BICC1: variants seen among roughly 807,000 people sequenced by gnomAD.
The protein encoded by BICC1 is BicC family RNA binding protein 1, also known as protein bicaudal C homolog 1.
Under a neutral mutation model 111.0 loss-of-function variants are expected in BICC1, and 43 were observed. The observed-to-expected ratio is 0.39, with a 90% CI of 0.30 to 0.50. The LOEUF (loss-of-function observed/expected upper bound fraction) is 0.50, where lower values mean the gene tolerates loss of function less well. BICC1 is among the 20% of genes least tolerant of loss of function. BICC1 has a pLI of 0.88. For synonymous variants in BICC1, 467 were observed against 434.4 expected, an observed-to-expected ratio of 1.07 and a Z score of -0.93; for missense variants, 1,091 against 1,203.2, an observed-to-expected ratio of 0.91 and a Z score of 1.38.
At chr10:58,679,920 A>G (rs1246146820) in intron 2 of BICC1, among the ~76,000 whole-genome samples, 6 of 152,254 alleles carry the variant, frequency 3.9e-5, no homozygotes. Context: ...TCATATAAAC[A>G]GAACCAATGA....
At chr10:58,756,846 A>C (rs1000122082) in intron 3 of BICC1, among the ~76,000 whole-genome samples, 1 of 152,166 alleles carries the variant, frequency 6.6e-6, no homozygotes, top group African/African-American at 2.4e-5. Context: ...ATAACTTTCT[A>C]GTCTCTTATG....
chr10:58,636,519 G>A (rs1459690100), intron 2 of BICC1, among the ~76,000 whole-genome samples: 1 of 152,008 alleles, frequency 6.6e-6, no homozygotes, highest in African/African-American at 2.4e-5. Context: ...TAGGAAGTAG[G>A]TTTTTAAAAC....
chr10:58,547,111 T>G, intron 1 of BICC1, among the ~76,000 whole-genome samples: 1 of 152,320 alleles, frequency 6.6e-6, no homozygotes, highest in East Asian at 1.9e-4. Context: ...TATTACCATC[T>G]TATATTAATT....
chr10:58,793,691 T>G lies in BICC1; in HGVS notation c.1179+76T>G, dbSNP rs545247211. On this transcript the variant is annotated intron_variant, in intron 9 of 20. Transcript: ENST00000373886. ...ATAGTTTTATTTTGCATAGAAGTAT[T>G]TATTTGCATATACATGAAACTGTTA... is the stretch of plus-strand genomic sequence containing the variant. The G allele has an allele frequency of 2.7e-6, 4 of 1,489,390 alleles. No individual in the cohort carries two copies. The South Asian group carries it at 4.8e-5, about 18-fold the overall frequency. 92.3% of individuals were successfully genotyped at this position (1,489,390 alleles called of 1,614,324 possible). A position where few individuals can be genotyped will look rare whatever the true frequency, so the allele number is the denominator to read the frequency against.
At chr10:58,650,851 G>T (rs534563364) in intron 2 of BICC1, 1 of 151,764 alleles carries the variant, frequency 6.6e-6, no homozygotes, top group East Asian at 1.9e-4. Context: ...AGCTCCCCTT[G>T]TTAAAAATAA....
chr10:58,583,088 C>T (rs1029253766), intron 1 of BICC1, among the ~76,000 whole-genome samples: 2 of 152,238 alleles, frequency 1.3e-5, no homozygotes, highest in East Asian at 1.9e-4. Flanking sequence ...TGTTCTGTGT[C>T]TTAATAAATG....
chr10:58,823,303 A>G, intron 20 of BICC1: 4 of 985,254 alleles, frequency 4.1e-6, no homozygotes, highest in Non-Finnish European at 4.8e-6. Context: ...TCAAAGAAAA[A>G]GGTTGGTATT....
intron 1 of BICC1, among the ~76,000 whole-genome samples, chr10:58,583,602 G>C (rs1225805509): frequency 5.6e-4 from 85 of 151,754 alleles, no homozygotes; most frequent in African/African-American, 1.3e-3. Flanking sequence ...GTGTGTGTGT[G>C]TGTGTGTGTG....
At chr10:58,748,982 A>C (rs573202218) in intron 3 of BICC1, among the ~76,000 whole-genome samples, 23 of 152,268 alleles carry the variant, frequency 1.5e-4, no homozygotes, top group Non-Finnish European at 1.8e-4. Flanking sequence ...GATTCCACTA[A>C]ATAATGGTTT....
intron 1 of BICC1, among the ~76,000 whole-genome samples, chr10:58,519,616 A>G (rs1842337959): frequency 6.6e-6 from 1 of 152,004 alleles, no homozygotes; most frequent in African/African-American, 2.4e-5. Flanking sequence ...CTTTTTTTAA[A>G]TTATAATTTT....
At chr10:58,554,299 C>T (rs749287173) in intron 1 of BICC1, among the ~76,000 whole-genome samples, 18 of 152,076 alleles carry the variant, frequency 1.2e-4, no homozygotes, top group Non-Finnish European at 1.8e-4. Flanking sequence ...GTTTTATTGT[C>T]GAACCCTGAG....
chr10:58,790,297 T>A (rs926245672), intron 8 of BICC1, among the ~76,000 whole-genome samples: 3 of 151,786 alleles, frequency 2.0e-5, no homozygotes, highest in Non-Finnish European at 2.9e-5. Flanking sequence ...AAAAAAGTCC[T>A]CTGTTTAAAC....
chr10:58,626,464 A>G (rs1224840917), intron 2 of BICC1, among the ~76,000 whole-genome samples: 2 of 152,178 alleles, frequency 1.3e-5, no homozygotes, highest in African/African-American at 2.4e-5. Flanking sequence ...ACTAAAGATG[A>G]GAATGGAGCT....
At chr10:58,753,844 AT>A (rs1301097286) in intron 3 of BICC1, among the ~76,000 whole-genome samples, 1 of 151,388 alleles carries the variant, frequency 6.6e-6, no homozygotes, top group Non-Finnish European at 1.5e-5. Context: ...TTGCCTTGCC[AT>A]TTTTCCCTAT....
At chr10:58,802,867 G>A (rs576432959) in intron 14 of BICC1, among the ~76,000 whole-genome samples, 1 of 152,270 alleles carries the variant, frequency 6.6e-6, no homozygotes, top group East Asian at 1.9e-4. Flanking sequence ...ATTCACATTA[G>A]AGGTATGACC....
intron 1 of BICC1, among the ~76,000 whole-genome samples, chr10:58,611,084 C>T (rs1001831615): frequency 1.3e-5 from 2 of 152,190 alleles, no homozygotes; most frequent in Non-Finnish European, 2.9e-5. Flanking sequence ...ATTTGATTTT[C>T]GTACTTTTGC....
chr10:58,699,910 A>T (rs10826225), intron 2 of BICC1, among the ~76,000 whole-genome samples: 41,838 of 151,984 alleles, frequency 0.28, 7,837 homozygotes, highest in African/African-American at 0.53. Context: ...CAGGCTGGTC[A>T]CAAACTCCTG....
At chr10:58,608,125 G>C (rs866296525) in intron 1 of BICC1, among the ~76,000 whole-genome samples, 19 of 152,058 alleles carry the variant, frequency 1.2e-4, no homozygotes, top group Non-Finnish European at 2.2e-4. Flanking sequence ...CCCCTTTGTG[G>C]GTGTTCTGGG....
chr10:58,737,615 G>A (rs1841513445), intron 3 of BICC1, among the ~76,000 whole-genome samples: 1 of 152,188 alleles, frequency 6.6e-6, no homozygotes. Flanking sequence ...TATATACCCA[G>A]CAATGGGATG....
Sources: allele counts gnomAD v4.1 joint callset (sites outside exome capture counted in the v4.1 genomes callset), GRCh38; gene constraint gnomAD v4.1.1; transcripts MANE v1.5; gene names NCBI Gene and HGNC (gene_info 2026-07-23, HGNC 2026-07-21).